The following PCDHA6 variants were observed in gnomAD, a reference collection of about 807,000 sequenced individuals.
The protein encoded by PCDHA6 is protocadherin alpha-6.
A neutral mutation model predicts 60.3 loss-of-function variants in PCDHA6; 55 were observed. The observed-to-expected ratio is 0.91, with a 90% CI of 0.73 to 1.14. The LOEUF (loss-of-function observed/expected upper bound fraction) is 1.14. Ranked by LOEUF, PCDHA6 falls within the 50% of genes most tolerant of loss-of-function variation. The pLI, the probability that PCDHA6 is intolerant of heterozygous loss-of-function variation, is 0.00. For synonymous variants in PCDHA6, 652 were observed against 557.9 expected, an observed-to-expected ratio of 1.17 and a Z score of -2.38; for missense variants, 1,327 against 1,256.5, an observed-to-expected ratio of 1.06 and a Z score of -0.85.
chr5:140,879,908 T>G (rs1468115653), intron 1 of PCDHA6, among the ~76,000 whole-genome samples: 2 of 152,218 alleles, frequency 1.3e-5, no homozygotes, highest in Non-Finnish European at 2.9e-5. Context: ...TCTCTCTATG[T>G]GTTGGTTTTA....
chr5:140,884,961 C>A (rs1454276450), intron 1 of PCDHA6, among the ~76,000 whole-genome samples: 1 of 152,126 alleles, frequency 6.6e-6, no homozygotes, highest in Non-Finnish European at 1.5e-5. Context: ...AAATTCCTCA[C>A]GTTGTGAGAA....
At chr5:141,008,985 A>G (rs566679512) in intron 3 of PCDHA6, among the ~76,000 whole-genome samples, 2 of 152,240 alleles carry the variant, frequency 1.3e-5, no homozygotes, top group South Asian at 4.1e-4. Context: ...AGTTTAATCT[A>G]GACACTAAAA....
chr5:140,850,879 C>A (rs2150501286), intron 1 of PCDHA6: 1 of 1,586,914 alleles, frequency 6.3e-7, no homozygotes, highest in South Asian at 1.1e-5. Context: ...TCCTCAGATT[C>A]AACTGGGAAG....
intron 1 of PCDHA6, among the ~76,000 whole-genome samples, chr5:140,885,773 G>T (rs1419137937): frequency 6.6e-6 from 1 of 152,016 alleles, no homozygotes; most frequent in African/African-American, 2.4e-5. Flanking sequence ...TATAGTATTA[G>T]TGAATTTGAG....
At chr5:140,968,668 G>A (rs1365342675) in intron 1 of PCDHA6, 3 of 1,614,038 alleles carry the variant, frequency 1.9e-6, no homozygotes, top group African/African-American at 1.3e-5. Flanking sequence ...ACCTCTTTAA[G>A]GTAGAGCTGC....
At chr5:140,849,958 C>T in intron 1 of PCDHA6, 1 of 1,597,890 alleles carries the variant, frequency 6.3e-7, no homozygotes, top group South Asian at 1.1e-5. Context: ...CAGGAGAACG[C>T]CCTGGTGTCC....
chr5:140,841,658 C>T lies in PCDHA6; in HGVS notation c.2394+11173C>T, dbSNP rs146047089. On this transcript the variant is annotated intron_variant, in intron 1 of 3. Transcript: ENST00000529310. Reference sequence around the variant, plus strand: ...CCACCTGGAGGTGATCGTGGACAGGCCGCTGCAGGTTTTCCATGTGGACGT... The same window carrying T: ...CCACCTGGAGGTGATCGTGGACAGGTCGCTGCAGGTTTTCCATGTGGACGT... 7.3e-3 allele frequency: 11,721 copies of T among 1,614,100 alleles called. 53 individuals are homozygous for T. Among genetic ancestry groups the T allele is most frequent in the South Asian group, 8.3e-3 (753 of 91,074 alleles).
At chr5:140,959,583 A>G (rs529440681) in intron 1 of PCDHA6, among the ~76,000 whole-genome samples, 10 of 152,332 alleles carry the variant, frequency 6.6e-5, no homozygotes, top group Admixed American at 1.3e-4. Flanking sequence ...TTTCAATTCT[A>G]TCAGCCAAGT....
intron 3 of PCDHA6, among the ~76,000 whole-genome samples, chr5:140,983,425 C>A (rs1252010683): frequency 6.6e-6 from 1 of 152,198 alleles, no homozygotes; most frequent in Non-Finnish European, 1.5e-5. Context: ...GTAGAGACCA[C>A]AAATTGTGTC....
At chr5:140,908,248 C>G (rs2073877594) in intron 1 of PCDHA6, among the ~76,000 whole-genome samples, 2 of 152,154 alleles carry the variant, frequency 1.3e-5, no homozygotes, top group South Asian at 4.1e-4. Context: ...TCCTCATCAA[C>G]TGATCATAGG....
intron 3 of PCDHA6, among the ~76,000 whole-genome samples, chr5:140,999,874 T>G (rs897953919): frequency 6.6e-6 from 1 of 152,122 alleles, no homozygotes; most frequent in Admixed American, 6.5e-5. Flanking sequence ...TTACTGAAAA[T>G]TAGCCCAGCT....
chr5:141,006,979 G>T (rs1236461454), intron 3 of PCDHA6, among the ~76,000 whole-genome samples: 1 of 152,156 alleles, frequency 6.6e-6, no homozygotes, highest in Non-Finnish European at 1.5e-5. Context: ...ACAGAGAGAT[G>T]TGGGCTTAAA....
At chr5:140,996,622 G>C (rs2097735162) in intron 3 of PCDHA6, among the ~76,000 whole-genome samples, 1 of 152,156 alleles carries the variant, frequency 6.6e-6, no homozygotes, top group African/African-American at 2.4e-5. Context: ...AATTTCACTG[G>C]TTCCTGCAAA....
chr5:140,927,440 C>G (rs782460713), intron 1 of PCDHA6: 2 of 1,614,168 alleles, frequency 1.2e-6, no homozygotes, highest in East Asian at 4.5e-5. Flanking sequence ...AGCGAATACC[C>G]GGAGTTGGTG....
chr5:140,830,314 C>T lies in PCDHA6; in HGVS notation c.2223C>T (p.Cys741=). Residue 741 remains cysteine, a synonymous_variant, in exon 1 of 4, where the codon TGC becomes TGT. Transcript: ENST00000529310. ...CGGCGGACAAGCCCACGCTGGTGTG[C>T]TCCAGCGCAGTGGGGAGCTGGTCGT... ...ACTADKPTLV[C]SSAVGSWSYS... is the part of the protein sequence containing the mutation. The T allele has an allele frequency of 6.2e-7, 1 of 1,613,988 alleles. No homozygotes were observed. Among genetic ancestry groups the T allele is most frequent in the South Asian group, 1.1e-5 (1 of 91,070 alleles).
rs1274589805 is a variant in PCDHA6, at chr5:140,906,709, G to T, written c.2395-72240G>T. Among the ~76,000 whole-genome samples the T allele has an allele frequency of 3.3e-5, 5 of 152,190 alleles. No individual in the cohort carries two copies. In the East Asian group the frequency reaches 9.6e-4, roughly 29 times the overall value. ...AAGGATCTGGGCCATTTGTAGTCCT[G>T]CCTGGATTGTGCTGTTGTAGTTTCC... On this transcript the variant is annotated intron_variant, in intron 1 of 3. Transcript: ENST00000529310.
At chr5:140,919,945 A>G (rs1456572905) in intron 1 of PCDHA6, among the ~76,000 whole-genome samples, 1 of 151,572 alleles carries the variant, frequency 6.6e-6, no homozygotes, top group Non-Finnish European at 1.5e-5. Flanking sequence ...ATTCCAGTGA[A>G]AAGTTTGTTT....
chr5:141,005,263 A>T (rs1223276392), intron 3 of PCDHA6, among the ~76,000 whole-genome samples: 2 of 152,198 alleles, frequency 1.3e-5, no homozygotes, highest in Admixed American at 1.3e-4. Context: ...GGCACTGGTG[A>T]TACATTGGTG....
chr5:140,929,364 A>C (rs782443919), intron 1 of PCDHA6: 3 of 1,521,318 alleles, frequency 2.0e-6, no homozygotes, highest in Admixed American at 2.2e-5. Flanking sequence ...TTTGGCCCGG[A>C]GATGGCTGCT....
Sources: allele counts gnomAD v4.1 joint callset (sites outside exome capture counted in the v4.1 genomes callset), GRCh38; gene constraint gnomAD v4.1.1; transcripts MANE v1.5; gene names NCBI Gene and HGNC (gene_info 2026-07-23, HGNC 2026-07-21).